XYLT1: variants seen among roughly 807,000 people sequenced by gnomAD.
XYLT1 encodes the protein xylosyltransferase 1.
In XYLT1, 36 loss-of-function variants were observed where a neutral mutation model predicts 91.3. The ratio of observed to expected loss-of-function variants is 0.39; its 90% CI spans 0.30 to 0.52. The LOEUF (loss-of-function observed/expected upper bound fraction) is 0.52, where lower values mean the gene tolerates loss of function less well. Ranked by LOEUF, XYLT1 falls within the 20% of genes least tolerant of loss-of-function variation. The pLI is 0.68. For synonymous variants in XYLT1, 588 were observed against 532.0 expected (o/e 1.11, Z -1.45); for missense variants, 1,242 against 1,284.5 (o/e 0.97, Z 0.51).
chr16:17,420,884 C>T (rs2141921500), intron 1 of XYLT1, among the ~76,000 whole-genome samples: 1 of 152,268 alleles, frequency 6.6e-6, no homozygotes, highest in South Asian at 2.1e-4. Flanking sequence ...TTGCTGGACT[C>T]AATAAAACAC....
intron 5 of XYLT1, among the ~76,000 whole-genome samples, chr16:17,180,298 GC>G (rs989805705): frequency 2.0e-5 from 3 of 152,208 alleles, no homozygotes; most frequent in Non-Finnish European, 4.4e-5. Flanking sequence ...GGACTATTTA[GC>G]TGTAGGTGTC....
chr16:17,449,281 A>C (rs2036633857), intron 1 of XYLT1, among the ~76,000 whole-genome samples: 1 of 152,272 alleles, frequency 6.6e-6, no homozygotes, highest in Non-Finnish European at 1.5e-5. Flanking sequence ...CTCTGACGAC[A>C]GTAGCCAGCT....
chr16:17,375,703 C>T (rs2035591085), intron 1 of XYLT1, among the ~76,000 whole-genome samples: 1 of 152,238 alleles, frequency 6.6e-6, no homozygotes, highest in Admixed American at 6.5e-5. Flanking sequence ...GGAACATGCT[C>T]CTGGGCCCTC....
Position 17,117,930 on chromosome 16 carries a change from C to A in XYLT1, c.2273G>T (p.Gly758Val). Residue 758 changes from glycine (G) to valine (V), a missense_variant, in exon 11 of 12, where the codon GGT (glycine) becomes GTT (valine). Gly to Val is a moderately radical substitution (Grantham distance 109). Coordinates refer to ENST00000261381, the MANE Select transcript of XYLT1 (RefSeq NM_022166.4). Reference sequence around the variant, plus strand: ...CGGCTCATCCATGGGCCCCAGAAGACCCCCAAAGTTGCGGAATAGCCTCTC... The same window carrying A: ...CGGCTCATCCATGGGCCCCAGAAGAACCCCAAAGTTGCGGAATAGCCTCTC... Reference protein sequence around the residue: ...AKERLFRNFGGLLGPMDEPVG... With the variant: ...AKERLFRNFGVLLGPMDEPVG... 6.2e-7 allele frequency: 1 copy of A among 1,613,870 alleles called. No homozygotes were observed. Among genetic ancestry groups the A allele is most frequent in the Non-Finnish European group, 8.5e-7 (1 of 1,179,786 alleles).
intron 2 of XYLT1, among the ~76,000 whole-genome samples, chr16:17,300,840 A>G (rs1441158639): frequency 6.6e-6 from 1 of 152,092 alleles, no homozygotes; most frequent in African/African-American, 2.4e-5. Flanking sequence ...GTAAGCGACA[A>G]AAGCAAGACA....
intron 1 of XYLT1, among the ~76,000 whole-genome samples, chr16:17,422,941 G>A (rs745534176): frequency 1.3e-5 from 2 of 152,282 alleles, no homozygotes; most frequent in South Asian, 4.1e-4. Flanking sequence ...TGCTCACCAC[G>A]CCCTGCATCG....
chr16:17,365,277 A>G (rs1241213070), intron 1 of XYLT1, among the ~76,000 whole-genome samples: 1 of 152,138 alleles, frequency 6.6e-6, no homozygotes. Context: ...CATTGCAGCA[A>G]CCAAGGTGTT....
chr16:17,277,933 C>G (rs2034002673), intron 2 of XYLT1, among the ~76,000 whole-genome samples: 2 of 152,092 alleles, frequency 1.3e-5, no homozygotes, highest in African/African-American at 4.8e-5. Context: ...GTTGTCCCAC[C>G]CAGGAGAGTT....
rs187513156 is a variant in XYLT1 at position 17,149,293 on chromosome 16, T to G, written c.1371-7924A>C. ...AGAATTAAGCTGTCCCACTGTAAGT[T>G]TTAGAAGGAATAACTCTGCTCTTCA... On this transcript the variant is annotated intron_variant, in intron 6 of 11. Transcript: ENST00000261381. Among the ~76,000 whole-genome samples the G allele has an allele frequency of 1.6e-3, 244 of 152,326 alleles. 1 individual carries two copies. The highest frequency in any genetic ancestry group is 5.6e-3 in the African/African-American group (233 of 41,562).
intron 5 of XYLT1, among the ~76,000 whole-genome samples, chr16:17,186,452 C>A (rs2032184874): frequency 6.7e-6 from 1 of 149,114 alleles, no homozygotes; most frequent in South Asian, 2.1e-4. Context: ...AGGGGTGCAC[C>A]ACCACACCTG....
chr16:17,435,397 C>T (rs528873289), intron 1 of XYLT1, among the ~76,000 whole-genome samples: 12 of 152,176 alleles, frequency 7.9e-5, no homozygotes, highest in Non-Finnish European at 1.8e-4. Context: ...TCCCCTCACC[C>T]CCTACAAGAA....
At chr16:17,321,378 G>C (rs1477417709) in intron 2 of XYLT1, among the ~76,000 whole-genome samples, 1 of 32,060 alleles carries the variant, frequency 3.1e-5, no homozygotes, top group Non-Finnish European at 6.7e-5. Flanking sequence ...TTTTTTTTTT[G>C]AGGCAGTCTC....
intron 2 of XYLT1, among the ~76,000 whole-genome samples, chr16:17,324,938 A>G (rs1460040573): frequency 6.6e-6 from 1 of 152,200 alleles, no homozygotes; most frequent in Admixed American, 6.5e-5. Context: ...AAGGCAAAGA[A>G]AGACGATGCT....
At chr16:17,198,091 C>T in intron 5 of XYLT1, 121 bp downstream of exon 5, 2 of 1,014,050 alleles carry the variant, frequency 2.0e-6, no homozygotes, top group Non-Finnish European at 3.0e-6. Flanking sequence ...AATCAGAATC[C>T]TATCCTGAGC....
At chr16:17,329,943 CT>C (rs1198513555) in intron 2 of XYLT1, among the ~76,000 whole-genome samples, 2 of 152,194 alleles carry the variant, frequency 1.3e-5, no homozygotes, top group East Asian at 1.9e-4. Context: ...TGTTGAGCGT[CT>C]AACACCTAGC....
chr16:17,239,748 C>T (rs2033316812), intron 3 of XYLT1, among the ~76,000 whole-genome samples: 1 of 151,976 alleles, frequency 6.6e-6, no homozygotes, highest in Non-Finnish European at 1.5e-5. Context: ...TCCATCCACC[C>T]ACCCAGCCTG....
chr16:17,124,265 A>G (rs2030178187), intron 10 of XYLT1, among the ~76,000 whole-genome samples: 3 of 152,142 alleles, frequency 2.0e-5, no homozygotes, highest in Non-Finnish European at 4.4e-5. Context: ...GTTTATTTTG[A>G]GGATTTGTTT....
At chr16:17,339,125 C>T (rs947504278) in intron 2 of XYLT1, among the ~76,000 whole-genome samples, 1 of 152,194 alleles carries the variant, frequency 6.6e-6, no homozygotes, top group Non-Finnish European at 1.5e-5. Context: ...CTGTGATGAA[C>T]ATCTTGCTAT....
intron 2 of XYLT1, among the ~76,000 whole-genome samples, chr16:17,295,120 C>T (rs956004600): frequency 1.3e-5 from 2 of 152,120 alleles, no homozygotes; most frequent in Non-Finnish European, 2.9e-5. Context: ...CAAAGACTCC[C>T]AGTGGGTAAG....
Sources: gnomAD v4.1 joint callset for allele counts (sites outside exome capture counted in the v4.1 genomes callset) on GRCh38, gnomAD v4.1.1 for gene constraint, MANE v1.5 for transcripts, NCBI Gene and HGNC (gene_info 2026-07-23, HGNC 2026-07-21) for gene names.